ZNF267: variants seen among roughly 807,000 people sequenced by gnomAD.
ZNF267 encodes zinc finger (C2H2).
A neutral mutation model predicts 71.6 loss-of-function variants in ZNF267; 61 were observed. That is an observed-to-expected ratio of 0.85 (90% CI 0.69 to 1.05). The LOEUF (loss-of-function observed/expected upper bound fraction) is 1.05. ZNF267 is among the 50% of genes least tolerant of loss of function. ZNF267 has a pLI of 0.00. For missense variants in ZNF267, 852 were observed against 870.0 expected, an observed-to-expected ratio of 0.98 and a Z score of 0.26; for synonymous variants, 288 against 293.2, an observed-to-expected ratio of 0.98 and a Z score of 0.18.
At position 31,914,968 on chromosome 16, in the gene ZNF267, T is replaced by C. The variant is rs993313122; in HGVS notation, c.719T>C (p.Leu240Pro). 1.2e-6 allele frequency: 2 copies of C among 1,609,370 alleles called. No individual in the cohort carries two copies. The highest frequency in any genetic ancestry group is 2.7e-5 in the African/African-American group (2 of 74,540). Reference protein sequence around the residue: ...SPKNHQENYFLEKQYKCKEFE... With the variant: ...SPKNHQENYFPEKQYKCKEFE... ...AAAAATCATCAGGAAAATTATTTTC[T>C]AGAAAAACAATACAAATGTAAAGAA... The change falls in exon 4 of 4, where the codon CTA (leucine) becomes CCA (proline). Residue 240 changes from leucine (L) to proline (P), a missense_variant. Physicochemically the swap from Leu to Pro is moderately conservative, Grantham distance 98. Coordinates refer to ENST00000300870, the MANE Select transcript of ZNF267 (RefSeq NM_003414.6).
Position 31,875,322 on chromosome 16 carries a change from CAG to C in ZNF267, c.3+1354_3+1355del, listed in dbSNP as rs10547583. Reference sequence around the variant, plus strand: ...CCCAAGGTATGGAAATGTAGTCCCTCAGGGGAGCAGCTGGATGCCCTGGGGCT... The same window carrying C: ...CCCAAGGTATGGAAATGTAGTCCCTCGGGAGCAGCTGGATGCCCTGGGGCT... On this transcript the variant is annotated intron_variant, in intron 1 of 3. Coordinates refer to ENST00000300870, the MANE Select transcript of ZNF267 (RefSeq NM_003414.6). 2.1e-4 allele frequency: 269 copies of C among 1,286,696 alleles called. 1 individual carries two copies. In the African/African-American group the frequency reaches 3.4e-3, roughly 16 times the overall value. The allele number at this position is 1,286,696 out of a possible 1,614,324, so 79.7% of individuals were successfully genotyped here.
chr16:31,891,914 G>A (rs2083962996), intron 3 of ZNF267, among the ~76,000 whole-genome samples: 1 of 152,258 alleles, frequency 6.6e-6, no homozygotes, highest in African/African-American at 2.4e-5. Flanking sequence ...AGCAGGCAGA[G>A]ATTAGAACAG....
intron 3 of ZNF267, among the ~76,000 whole-genome samples, chr16:31,903,964 C>T (rs2053278412): frequency 6.6e-6 from 1 of 152,152 alleles, no homozygotes; most frequent in Non-Finnish European, 1.5e-5. Flanking sequence ...TTGAATGTGT[C>T]CCAGAGATTC....
chr16:31,900,757 CTTTTTTT>C (rs35863544), intron 3 of ZNF267, among the ~76,000 whole-genome samples: 1 of 129,732 alleles, frequency 7.7e-6, no homozygotes, highest in Non-Finnish European at 1.6e-5. Flanking sequence ...AGAATTCTTT[CTTTTTTT>C]TTTTTTTTTT....
rs912900204 is a variant in ZNF267, at chr16:31,900,505, C to T, written c.227-13971C>T. ...TGCCACCCAGGCTGGAGTGTGGTGG[C>T]GAGATCTTGGCTCACTGCAGGCTCC... On this transcript the variant is annotated intron_variant, in intron 3 of 3. Coordinates refer to ENST00000300870, the MANE Select transcript of ZNF267 (RefSeq NM_003414.6). 2.5e-4 allele frequency among the ~76,000 whole-genome samples: 38 copies of T among 152,086 alleles called. 1 individual carries two copies. Among genetic ancestry groups the T allele is most frequent in the Admixed American group, 2.0e-3 (30 of 15,286 alleles).
intron 2 of ZNF267, 97 bp from the exon 3 acceptor site, chr16:31,885,064 G>A: frequency 1.1e-6 from 1 of 938,404 alleles, no homozygotes; most frequent in Non-Finnish European, 1.5e-6. Context: ...TACTAAGTTA[G>A]AAATTAATCC....
chr16:31,884,555 C>G lies in ZNF267; in HGVS notation c.61C>G (p.Leu21Val). 1 of 1,614,096 alleles carries G rather than the reference C, an allele frequency of 6.2e-7. No homozygotes were observed. The highest frequency in any genetic ancestry group is 8.5e-7 in the Non-Finnish European group (1 of 1,179,972). The change falls in exon 2 of 4, where the codon CTG becomes GTG. Residue 21 changes from leucine to valine, a missense_variant. Transcript: ENST00000300870. The part of the protein sequence containing the change: ...VEFSLEEWEH[L>V]EPAQKNLYQD... Reference sequence around the variant, plus strand: ...ATTCTCTTTGGAGGAGTGGGAACACCTGGAACCAGCTCAGAAGAATTTGTA... The same window carrying G: ...ATTCTCTTTGGAGGAGTGGGAACACGTGGAACCAGCTCAGAAGAATTTGTA...
chr16:31,909,887 A>G (rs1240921605), intron 3 of ZNF267, among the ~76,000 whole-genome samples: 3 of 152,192 alleles, frequency 2.0e-5, no homozygotes, highest in African/African-American at 7.2e-5. Context: ...TCAGGATGAT[A>G]CTAGCTGTGG....
chr16:31,884,522 G>T lies in ZNF267; in HGVS notation c.28G>T (p.Ala10Ser), dbSNP rs770028291. Reference sequence around the variant, plus strand: ...GGGACTGTTGACATTCAGGGATGTGGCCGTAGAATTCTCTTTGGAGGAGTG... The same window carrying T: ...GGGACTGTTGACATTCAGGGATGTGTCCGTAGAATTCTCTTTGGAGGAGTG... Reference protein sequence around the residue: MGLLTFRDVAVEFSLEEWEH... With the variant: MGLLTFRDVSVEFSLEEWEH... The change falls in exon 2 of 4, where the codon GCC (alanine) becomes TCC (serine). Residue 10 changes from alanine (A) to serine (S), a missense_variant. By Grantham distance (99) the Ala-to-Ser change is moderately conservative. Coordinates refer to ENST00000300870, the MANE Select transcript of ZNF267 (RefSeq NM_003414.6). 1.1e-5 allele frequency: 17 copies of T among 1,614,014 alleles called. No individual in the cohort carries two copies. The highest frequency in any genetic ancestry group is 1.4e-5 in the Non-Finnish European group (17 of 1,179,998).
Position 31,915,818 on chromosome 16 carries a change from AGTAT to A in ZNF267, c.1572_1575del (p.Cys525LeufsTer239). 6.2e-7 allele frequency: 1 copy of A among 1,613,514 alleles called. No homozygotes were observed. The highest frequency in any genetic ancestry group is 8.5e-7 in the Non-Finnish European group (1 of 1,179,996). ...CTGGAGAAAATCTTTACAAATGCAA[AGTAT>A]GTGCTAAACCTTTTACTTGTTTCTC... On this transcript the variant is annotated frameshift_variant, in exon 4 of 4. Coordinates refer to ENST00000300870, the MANE Select transcript of ZNF267 (RefSeq NM_003414.6). LOFTEE classifies it high-confidence loss of function.
intron 3 of ZNF267, among the ~76,000 whole-genome samples, chr16:31,903,185 T>A (rs1013413733): frequency 1.3e-5 from 2 of 152,202 alleles, no homozygotes; most frequent in African/African-American, 4.8e-5. Context: ...TGGATTCGGT[T>A]TACCAGTATT....
Position 31,914,547 on chromosome 16 carries a change from T to A in ZNF267, c.298T>A (p.Ser100Thr), listed in dbSNP as rs534878941. Residue 100 changes from serine to threonine, a missense_variant, in exon 4 of 4, where the codon TCG (serine) becomes ACG (threonine). Ser to Thr is a moderately conservative substitution (Grantham distance 58). Coordinates refer to ENST00000300870, the MANE Select transcript of ZNF267 (RefSeq NM_003414.6). ...CTEASFQKVI[S>T]RRHGSCDLEN... ...AGAAGCTTCATTCCAAAAAGTGATA[T>A]CGAGGAGACATGGGAGCTGTGATCT... is the stretch of plus-strand genomic sequence containing the variant. The A allele has an allele frequency of 1.9e-6, 3 of 1,613,952 alleles. No homozygotes were observed. Among genetic ancestry groups the A allele is most frequent in the Non-Finnish European group, 2.5e-6 (3 of 1,180,012 alleles).
chr16:31,916,024 C>G lies in ZNF267; in HGVS notation c.1775C>G (p.Thr592Ser). ...TCTTTTAGTGACTCCTCAGGTCTTA[C>G]TGTGCATCGGCGAACTCATACTGGA... ...SKSFSDSSGL[T>S]VHRRTHTGEK... The change falls in exon 4 of 4, where the codon ACT becomes AGT. Residue 592 changes from threonine (T) to serine (S), a missense_variant. By Grantham distance (58) the Thr-to-Ser change is moderately conservative. Coordinates refer to ENST00000300870, the MANE Select transcript of ZNF267 (RefSeq NM_003414.6). The G allele has an allele frequency of 6.2e-7, 1 of 1,612,200 alleles. No individual in the cohort carries two copies.
chr16:31,877,538 A>C (rs2083860654), intron 1 of ZNF267, among the ~76,000 whole-genome samples: 1 of 152,194 alleles, frequency 6.6e-6, no homozygotes, highest in African/African-American at 2.4e-5. Context: ...GAGGGGTTGA[A>C]TGTTGACCAG....
intron 1 of ZNF267, among the ~76,000 whole-genome samples, chr16:31,878,760 G>T (rs1218843099): frequency 6.6e-6 from 1 of 152,010 alleles, no homozygotes; most frequent in Non-Finnish European, 1.5e-5. Context: ...TTCCCCACAA[G>T]CCCCTTCTTT....
Position 31,873,820 on chromosome 16 carries a change from G to T in ZNF267, c.-147G>T, listed in dbSNP as rs778757201. On this transcript the variant is annotated 5_prime_UTR_variant, in exon 1 of 4. Coordinates refer to ENST00000300870, the MANE Select transcript of ZNF267 (RefSeq NM_003414.6). ...TTCGTCGGCTCCAGTTAGAGCTCGGGTCTCCTCGCCACAGCTCCGAGTCTT... is the reference window on the plus strand; with the variant it reads ...TTCGTCGGCTCCAGTTAGAGCTCGGTTCTCCTCGCCACAGCTCCGAGTCTT... 3.2e-5 allele frequency: 36 copies of T among 1,114,828 alleles called. No individual in the cohort carries two copies. The highest frequency in any genetic ancestry group is 4.7e-5 in the Non-Finnish European group (35 of 745,384). The allele number at this position is 1,114,828 out of a possible 1,614,324, so 69.1% of individuals were successfully genotyped here. A position where few individuals can be genotyped will look rare whatever the true frequency, so the allele number is the denominator to read the frequency against.
intron 3 of ZNF267, among the ~76,000 whole-genome samples, chr16:31,902,018 C>G (rs533210189): frequency 6.6e-6 from 1 of 152,168 alleles, no homozygotes; most frequent in South Asian, 2.1e-4. Context: ...ATATGGCTAG[C>G]CAGTTTTCCC....
intron 3 of ZNF267, among the ~76,000 whole-genome samples, chr16:31,893,752 C>T (rs1019079121): frequency 1.3e-5 from 2 of 152,224 alleles, no homozygotes; most frequent in African/African-American, 4.8e-5. Flanking sequence ...TTCAGGTCCA[C>T]ATTCAGATAA....
At chr16:31,874,270 G>A in intron 1 of ZNF267, 1 of 377,386 alleles carries the variant, frequency 2.6e-6, no homozygotes, top group Non-Finnish European at 4.8e-6. Flanking sequence ...GTGCGGTGAG[G>A]ACGGGAGCGT....
Sources: allele counts gnomAD v4.1 joint callset (sites outside exome capture counted in the v4.1 genomes callset), GRCh38; gene constraint gnomAD v4.1.1; transcripts MANE v1.5; gene names NCBI Gene and HGNC (gene_info 2026-07-23, HGNC 2026-07-21).